The following ZNF469 variants were observed in gnomAD, a reference collection of about 807,000 sequenced individuals.
ZNF469 encodes the protein zinc finger protein 469.
ZNF469 carries 1 observed loss-of-function variant against 1.0 expected under a neutral mutation model. That is an observed-to-expected ratio of 1.00 (90% CI 0.35 to 4.73). The LOEUF (loss-of-function observed/expected upper bound fraction) is 4.73, where lower values mean the gene tolerates loss of function less well. Among genes scored for constraint, ZNF469 ranks in the 30% most tolerant of loss-of-function variants. The pLI is 0.16. For missense variants in ZNF469, 6,100 were observed against 5,356.3 expected (o/e 1.14, Z -4.33); for synonymous variants, 2,703 against 2,363.4 (o/e 1.14, Z -4.17).
chr16:88,149,413 T>C, the ZNF469 span, among the ~76,000 whole-genome samples: 1 of 152,172 alleles, frequency 6.6e-6, no homozygotes, highest in Non-Finnish European at 1.5e-5. Context: ...GTCTGTGTCC[T>C]GACAGAGGCC....
chr16:88,318,186 T>C, the ZNF469 span, among the ~76,000 whole-genome samples: 9 of 152,242 alleles, frequency 5.9e-5, no homozygotes, highest in Non-Finnish European at 1.2e-4. Flanking sequence ...GGGCCCAGCC[T>C]GGGCTGGAGG....
chr16:88,185,076 C>T, the ZNF469 span, among the ~76,000 whole-genome samples: 43 of 144,008 alleles, frequency 3.0e-4, no homozygotes, highest in African/African-American at 9.8e-4. Flanking sequence ...CTCACACCCA[C>T]GGGCACACCT....
chr16:88,342,659 T>G, the ZNF469 span, among the ~76,000 whole-genome samples: 1 of 152,158 alleles, frequency 6.6e-6, no homozygotes, highest in Non-Finnish European at 1.5e-5. Flanking sequence ...TCCCTGTAAC[T>G]TGGGGACAGA....
chr16:88,226,979 C>T, the ZNF469 span, among the ~76,000 whole-genome samples: 1 of 151,672 alleles, frequency 6.6e-6, no homozygotes, highest in East Asian at 2.0e-4. Flanking sequence ...TCCTCCGCGC[C>T]GGGGCCTGCG....
chr16:88,342,641 G>C, the ZNF469 span, among the ~76,000 whole-genome samples: 1 of 152,358 alleles, frequency 6.6e-6, no homozygotes, highest in East Asian at 1.9e-4. Flanking sequence ...TCTGAGCAGT[G>C]AGCCTTTTCC....
the ZNF469 span, among the ~76,000 whole-genome samples, chr16:88,204,082 C>G: frequency 1.3e-5 from 2 of 151,410 alleles, no homozygotes; most frequent in Non-Finnish European, 2.9e-5. Flanking sequence ...GCCCGGTAAC[C>G]CCATAGAGCA....
chr16:88,398,953 C>A (rs955512794), intron 1 of ZNF469, among the ~76,000 whole-genome samples: 6 of 152,246 alleles, frequency 3.9e-5, no homozygotes, highest in African/African-American at 9.6e-5. Flanking sequence ...CCACCACCCC[C>A]CCAGGATCTA....
intron 1 of ZNF469, among the ~76,000 whole-genome samples, chr16:88,391,401 A>C (rs1022597153): frequency 6.6e-6 from 1 of 152,264 alleles, no homozygotes; most frequent in South Asian, 2.1e-4. Flanking sequence ...CCCAGCATCC[A>C]CAGGCTCAAG....
At chr16:88,279,528 C>T in the ZNF469 span, among the ~76,000 whole-genome samples, 57 of 145,880 alleles carry the variant, frequency 3.9e-4, 1 homozygote, top group African/African-American at 8.2e-4. Context: ...CACTGACACT[C>T]GGTCAGTACC....
rs764470052 is a variant in ZNF469 at position 88,437,794 on chromosome 16, AG to A, written c.10332del (p.Arg3445GlyfsTer56). 1.9e-5 allele frequency: 29 copies of A among 1,545,004 alleles called. No individual in the cohort carries two copies. Among genetic ancestry groups the A allele is most frequent in the East Asian group, 2.5e-5 (1 of 40,716 alleles). On this transcript the variant is annotated frameshift_variant, in exon 3 of 3. Coordinates refer to ENST00000565624, the MANE Select transcript of ZNF469 (RefSeq NM_001367624.2). LOFTEE classifies it low-confidence loss of function (END_TRUNC). ...CGACCGCCACATGAACAAGCACCTC[AG>A]GGGGGGGCGGCAGCCCTTCGCGTTC... ...QFDRHMNKHL[R>X]GGRQPFAFRG...
Position 88,439,135 on chromosome 16 carries a change from G to A in ZNF469, c.11665G>A (p.Asp3889Asn), listed in dbSNP as rs1906824277. The A allele has an allele frequency of 1.9e-6, 3 of 1,550,658 alleles. No individual in the cohort carries two copies. Among genetic ancestry groups the A allele is most frequent in the Middle Eastern group, 1.7e-4 (1 of 6,014 alleles). Residue 3889 changes from aspartate (D) to asparagine (N), a missense_variant, in exon 3 of 3, where the codon GAC (aspartate) becomes AAC (asparagine). Physicochemically the swap from Asp to Asn is conservative, Grantham distance 23. Transcript: ENST00000565624. ...AGAGCCGGGCCACACACAGAGGAAG[G>A]ACAGACTGGGCAAGGCCTTCCCCCA... Reference protein sequence around the residue: ...KAEPGHTQRKDRLGKAFPQGR... With the variant: ...KAEPGHTQRKNRLGKAFPQGR...
Position 88,439,107 on chromosome 16 carries a change from G to C in ZNF469, c.11637G>C (p.Lys3879Asn), listed in dbSNP as rs1037136863. The change falls in exon 3 of 3, where the codon AAG becomes AAC. Residue 3879 changes from lysine to asparagine, a missense_variant. Lys to Asn is a moderately conservative substitution (Grantham distance 94, BLOSUM62 0). Coordinates refer to ENST00000565624, the MANE Select transcript of ZNF469 (RefSeq NM_001367624.2). ...KPRPPPSEQR[K>N]AEPGHTQRKD... The stretch of plus-strand genomic sequence containing the variant: ...GGCCGCCACCATCAGAGCAGCGGAA[G>C]GCAGAGCCGGGCCACACACAGAGGA... The C allele has an allele frequency of 3.2e-6, 5 of 1,550,850 alleles. No individual in the cohort carries two copies. Among genetic ancestry groups the C allele is most frequent in the Non-Finnish European group, 3.5e-6 (4 of 1,146,986 alleles).
At chr16:88,199,411 G>A in the ZNF469 span, among the ~76,000 whole-genome samples, 1 of 152,232 alleles carries the variant, frequency 6.6e-6, no homozygotes, top group Non-Finnish European at 1.5e-5. Context: ...AGAATCCGCC[G>A]GCCCACATGT....
chr16:88,243,911 C>CATATACATATATAT, the ZNF469 span, among the ~76,000 whole-genome samples: 72 of 26,270 alleles, frequency 2.7e-3, 8 homozygotes, highest in Middle Eastern at 0.062. Context: ...TGGCTGGATG[C>CATATACATATATAT]ATATATATAT....
the ZNF469 span, among the ~76,000 whole-genome samples, chr16:88,140,948 C>T: frequency 2.6e-5 from 4 of 151,958 alleles, no homozygotes; most frequent in South Asian, 8.3e-4. Flanking sequence ...AACAAACAAA[C>T]AAAAAAACAA....
the ZNF469 span, among the ~76,000 whole-genome samples, chr16:88,117,065 T>C: frequency 2.0e-5 from 3 of 152,122 alleles, no homozygotes; most frequent in African/African-American, 7.2e-5. Flanking sequence ...GGCGTGCTGC[T>C]GTGTTGGCAC....
the ZNF469 span, among the ~76,000 whole-genome samples, chr16:88,337,108 C>G: frequency 2.0e-5 from 3 of 152,342 alleles, no homozygotes; most frequent in South Asian, 2.1e-4. Context: ...CATTTCCACG[C>G]TGGGGCTATG....
the ZNF469 span, among the ~76,000 whole-genome samples, chr16:88,160,994 A>G: frequency 6.6e-6 from 1 of 152,090 alleles, no homozygotes; most frequent in Non-Finnish European, 1.5e-5. Context: ...AAAATACAAA[A>G]ATTAGCTGGG....
the ZNF469 span, among the ~76,000 whole-genome samples, chr16:88,187,143 C>A: frequency 2.6e-5 from 4 of 151,980 alleles, no homozygotes; most frequent in African/African-American, 9.7e-5. Flanking sequence ...CTGTGGAGAC[C>A]CCCAGGGTCC....
Sources: allele counts gnomAD v4.1 joint callset (sites outside exome capture counted in the v4.1 genomes callset), GRCh38; gene constraint gnomAD v4.1.1; transcripts MANE v1.5; gene names NCBI Gene and HGNC (gene_info 2026-07-23, HGNC 2026-07-21).